Variants in EPYC observed in about 807,000 individuals in gnomAD.
EPYC encodes epiphycan.
EPYC carries 28 observed loss-of-function variants against 30.1 expected under a neutral mutation model. The observed-to-expected ratio is 0.93, with a 90% CI of 0.69 to 1.28. The LOEUF (loss-of-function observed/expected upper bound fraction) is 1.28, where lower values mean the gene tolerates loss of function less well. EPYC is among the 50% of genes most tolerant of loss of function. The pLI, the probability that EPYC is intolerant of heterozygous loss-of-function variation, is 0.00. For synonymous variants in EPYC, 144 were observed against 141.4 expected (o/e 1.02, Z -0.13); for missense variants, 382 against 383.5 (o/e 1.00, Z 0.03).
Position 90,970,020 on chromosome 12 carries a change from C to T in EPYC, c.798+24G>A, listed in dbSNP as rs556141640. 7.0e-6 allele frequency: 11 copies of T among 1,570,132 alleles called. No individual in the cohort carries two copies. The Middle Eastern group carries it at 5.0e-4, about 71-fold the overall frequency. On this transcript the variant is annotated intron_variant, in intron 6 of 6. Transcript: ENST00000261172. Reference sequence around the variant, plus strand: ...CTTTGCTTTCTCTGAAGCCCTTGGGCGCACCTTACTGGTAGACTCCTACCT... The same window carrying T: ...CTTTGCTTTCTCTGAAGCCCTTGGGTGCACCTTACTGGTAGACTCCTACCT...
chr12:90,974,029 T>TAC lies in EPYC; in HGVS notation c.341-1051_341-1050dup, dbSNP rs200299078. Reference sequence around the variant, plus strand: ...ACATACTGATTTTTCTTTTCTGTCTTACACACACTCACACACACACACACA... The same window carrying TAC: ...ACATACTGATTTTTCTTTTCTGTCTTACACACACACTCACACACACACACACA... On this transcript the variant is annotated intron_variant, in intron 3 of 6. Transcript: ENST00000261172. Among the ~76,000 whole-genome samples, 357 of 81,112 alleles carry TAC rather than the reference T, an allele frequency of 4.4e-3. 4 individuals are homozygous for TAC. The highest frequency in any genetic ancestry group is 0.028 in the East Asian group (65 of 2,344). The allele number at this position is 81,112 out of a possible 152,430, so 53.2% of individuals were successfully genotyped here.
intron 4 of EPYC, 33 bp from the exon 5 acceptor site, chr12:90,972,035 A>AT (rs773329762): frequency 7.7e-7 from 1 of 1,301,408 alleles, no homozygotes. Flanking sequence ...GTAATTAAAT[A>AT]TTCTTGTTTT....
intron 6 of EPYC, 41 bp downstream of exon 6, chr12:90,970,003 T>C: frequency 6.8e-7 from 1 of 1,475,352 alleles, no homozygotes; most frequent in Non-Finnish European, 9.5e-7. Flanking sequence ...GGCTTTGCTT[T>C]CTCTGAAGCC....
rs192415396 is a variant in EPYC, at chr12:90,981,933, G to A, written c.166-3671C>T. On this transcript the variant is annotated intron_variant, in intron 2 of 6. Coordinates refer to ENST00000261172, the MANE Select transcript of EPYC (RefSeq NM_004950.5). Reference sequence around the variant, plus strand: ...TAATATATATGTTATGGAAAAAAATGCTGTTAAGAAATTCAAATAAACCAG... The same window carrying A: ...TAATATATATGTTATGGAAAAAAATACTGTTAAGAAATTCAAATAAACCAG... Among the ~76,000 whole-genome samples the A allele has an allele frequency of 3.7e-4, 56 of 152,182 alleles. 1 individual carries two copies. Among genetic ancestry groups the A allele is most frequent in the Middle Eastern group, 6.8e-3 (2 of 294 alleles).
chr12:90,995,736 T>G (rs1460001600), intron 2 of EPYC, among the ~76,000 whole-genome samples: 2 of 151,914 alleles, frequency 1.3e-5, no homozygotes, highest in Non-Finnish European at 2.9e-5. Flanking sequence ...CCTACATGAT[T>G]GTATATTTTT....
At chr12:90,995,358 ATGTT>A (rs1380018266) in intron 2 of EPYC, among the ~76,000 whole-genome samples, 2 of 152,072 alleles carry the variant, frequency 1.3e-5, no homozygotes, top group African/African-American at 4.8e-5. Context: ...TCACTTGGAA[ATGTT>A]TGTTTTTCTG....
At chr12:90,995,231 G>A (rs139088432) in intron 2 of EPYC, among the ~76,000 whole-genome samples, 1 of 152,158 alleles carries the variant, frequency 6.6e-6, no homozygotes, top group Non-Finnish European at 1.5e-5. Flanking sequence ...GGCAAAGCTT[G>A]CTCAATCCTC....
chr12:90,971,697 A>AATAG (rs1470054790), intron 5 of EPYC, 103 bp downstream of exon 5: 2 of 379,264 alleles, frequency 5.3e-6, no homozygotes, highest in Non-Finnish European at 8.4e-6. Context: ...TAAATAAATA[A>AATAG]ATAAATAAAT....
intron 3 of EPYC, among the ~76,000 whole-genome samples, chr12:90,976,042 G>A (rs1204117043): frequency 6.6e-6 from 1 of 152,074 alleles, no homozygotes; most frequent in Non-Finnish European, 1.5e-5. Context: ...TCTTCAAAAA[G>A]TTAATGTAGA....
intron 5 of EPYC, 68 bp from the exon 6 acceptor site, chr12:90,970,207 C>T (rs1877006333): frequency 4.4e-6 from 5 of 1,129,076 alleles, no homozygotes; most frequent in Non-Finnish European, 6.7e-6. Flanking sequence ...ATAAAAAACA[C>T]AGCTGTATTT....
chr12:90,969,039 T>G (rs1201548034), intron 6 of EPYC, among the ~76,000 whole-genome samples: 1 of 150,894 alleles, frequency 6.6e-6, no homozygotes, highest in East Asian at 1.9e-4. Flanking sequence ...TACATATATG[T>G]ATAGAGATAT....
At chr12:90,996,944 G>A (rs1177302730) in intron 2 of EPYC, among the ~76,000 whole-genome samples, 1 of 151,988 alleles carries the variant, frequency 6.6e-6, no homozygotes, top group African/African-American at 2.4e-5. Context: ...AGAAAATAAA[G>A]GTAGGCAAAG....
chr12:90,973,445 G>A (rs550618038), intron 3 of EPYC, among the ~76,000 whole-genome samples: 2 of 152,172 alleles, frequency 1.3e-5, no homozygotes, highest in Non-Finnish European at 2.9e-5. Flanking sequence ...GTGAAACAGT[G>A]GTGAGCACAA....
At chr12:90,995,793 G>C (rs1279457800) in intron 2 of EPYC, among the ~76,000 whole-genome samples, 1 of 151,708 alleles carries the variant, frequency 6.6e-6, no homozygotes, top group Non-Finnish European at 1.5e-5. Context: ...CTTAGGATGA[G>C]AATTAAATAG....
intron 2 of EPYC, among the ~76,000 whole-genome samples, chr12:90,996,304 G>A (rs976529792): frequency 5.3e-5 from 8 of 151,708 alleles, no homozygotes; most frequent in Non-Finnish European, 1.2e-4. Flanking sequence ...TCCGGAATTA[G>A]CTTGATTCTC....
At position 90,986,173 on chromosome 12, in the gene EPYC, C is replaced by T. The variant is rs570341406; in HGVS notation, c.166-7911G>A. 2.4e-4 allele frequency among the ~76,000 whole-genome samples: 36 copies of T among 152,016 alleles called. No homozygotes were observed. In the South Asian group the frequency reaches 4.2e-3, roughly 18 times the overall value. On this transcript the variant is annotated intron_variant, in intron 2 of 6. Coordinates refer to ENST00000261172, the MANE Select transcript of EPYC (RefSeq NM_004950.5). The stretch of plus-strand genomic sequence containing the variant: ...GTCCCCTGCTTGAGGAAGGAATCAA[C>T]CCTGAAGTCTGGGTATTGGAAGGAC...
intron 2 of EPYC, among the ~76,000 whole-genome samples, chr12:90,993,904 T>C (rs1877642227): frequency 6.6e-6 from 1 of 152,150 alleles, no homozygotes; most frequent in Admixed American, 6.6e-5. Context: ...AAATACTTTA[T>C]ATCTCAGATT....
chr12:90,965,558 G>C (rs146191979), intron 6 of EPYC, among the ~76,000 whole-genome samples: 1 of 152,102 alleles, frequency 6.6e-6, no homozygotes, highest in Non-Finnish European at 1.5e-5. Context: ...AAGTGAGTAT[G>C]AGTTGGTATC....
chr12:91,002,079 A>G (rs886111629), intron 2 of EPYC, among the ~76,000 whole-genome samples: 1 of 148,566 alleles, frequency 6.7e-6, no homozygotes, highest in African/African-American at 2.5e-5. Context: ...AGTCCTAGCT[A>G]CTCGGGAGGC....
Sources: allele counts gnomAD v4.1 joint callset (sites outside exome capture counted in the v4.1 genomes callset), GRCh38; gene constraint gnomAD v4.1.1; transcripts MANE v1.5; gene names NCBI Gene and HGNC (gene_info 2026-07-23, HGNC 2026-07-21).